Variants in FKBP5 observed in about 807,000 individuals in gnomAD.
The protein encoded by FKBP5 is FKBP prolyl isomerase 5.
FKBP5 carries 23 observed loss-of-function variants against 50.5 expected under a neutral mutation model. The observed-to-expected ratio is 0.46, with a 90% CI of 0.33 to 0.65. The LOEUF (loss-of-function observed/expected upper bound fraction) is 0.65. Among genes scored for constraint, FKBP5 ranks in the 30% least tolerant of loss-of-function variants. The probability of loss-of-function intolerance (pLI) is 0.02; values close to 1 mark genes in which losing one functional copy is unlikely to be tolerated. For synonymous variants in FKBP5, 176 were observed against 190.6 expected (o/e 0.92, Z 0.63); for missense variants, 411 against 553.1 (o/e 0.74, Z 2.58).
chr6:35,625,873 G>A (rs560559135), intron 3 of FKBP5, among the ~76,000 whole-genome samples: 7 of 151,194 alleles, frequency 4.6e-5, no homozygotes, highest in African/African-American at 9.7e-5. Context: ...TCCGCCTCCC[G>A]GGTTCACGCC....
intron 3 of FKBP5, among the ~76,000 whole-genome samples, chr6:35,633,340 C>G (rs1035845382): frequency 6.6e-6 from 1 of 151,964 alleles, no homozygotes. Flanking sequence ...CTCAAAAGTT[C>G]GAGACCACCC....
chr6:35,645,973 AG>A (rs1236129825), intron 1 of FKBP5, among the ~76,000 whole-genome samples: 6 of 152,102 alleles, frequency 3.9e-5, no homozygotes, highest in Non-Finnish European at 7.4e-5. Context: ...AAAATTAGCC[AG>A]GCGTGGTGGC....
Position 35,597,384 on chromosome 6 carries a change from C to G in FKBP5, c.529G>C (p.Gly177Arg). 1 of 1,613,886 alleles carries G rather than the reference C, an allele frequency of 6.2e-7. No individual in the cohort carries two copies. Among genetic ancestry groups the G allele is most frequent in the Non-Finnish European group, 8.5e-7 (1 of 1,179,940 alleles). ...TVEIHLEGRC[G>R]GRMFDCRDVA... ...TCTCTGCAGTCAAACATCCTTCCAC[C>G]ACAGCGGCCTTCCAGGTGGACTGAG... The change falls in exon 6 of 11, where the codon GGT (glycine) becomes CGT (arginine). Residue 177 changes from glycine (G) to arginine (R), a missense_variant. Physicochemically the swap from Gly to Arg is moderately radical, Grantham distance 125 (BLOSUM62 -2). Transcript: ENST00000357266.
chr6:35,656,757 C>T (rs888689383), intron 1 of FKBP5, among the ~76,000 whole-genome samples: 1 of 152,006 alleles, frequency 6.6e-6, no homozygotes, highest in Non-Finnish European at 1.5e-5. Flanking sequence ...TTTAGCAGGG[C>T]ATGGTGGCGC....
At chr6:35,625,586 A>C (rs1763970340) in intron 3 of FKBP5, among the ~76,000 whole-genome samples, 1 of 149,232 alleles carries the variant, frequency 6.7e-6, no homozygotes, top group African/African-American at 2.5e-5. Context: ...AATACAAAAA[A>C]TTAGCCGGGC....
chr6:35,658,584 AG>A (rs1299291157), intron 1 of FKBP5, among the ~76,000 whole-genome samples: 8 of 152,166 alleles, frequency 5.3e-5, no homozygotes, highest in Admixed American at 2.6e-4. Context: ...TTCATCAGCA[AG>A]GCATGTTAAA....
At chr6:35,586,731 T>A in intron 8 of FKBP5, 1 of 1,243,262 alleles carries the variant, frequency 8.0e-7, no homozygotes, top group Non-Finnish European at 1.0e-6. Flanking sequence ...GCCAACTATG[T>A]ACCAAGCAAG....
At position 35,573,643 on chromosome 6, in the gene FKBP5, ATTTT is replaced by A. The variant is rs66957944; in HGVS notation, c.*2188_*2191del. On this transcript the variant is annotated 3_prime_UTR_variant, in exon 11 of 11. Coordinates refer to ENST00000357266, the MANE Select transcript of FKBP5 (RefSeq NM_004117.4). ...ACACACAAAAAAGTGCATCTAAATG[ATTTT>A]TTTTTTTTAAAAACAATGTCTTTAA... The A allele has an allele frequency of 1.3e-5, 2 of 150,766 alleles. No homozygotes were observed. Among genetic ancestry groups the A allele is most frequent in the African/African-American group, 4.9e-5 (2 of 41,086 alleles). The allele number at this position is 150,766 out of a possible 1,614,324, so 9.3% of individuals were successfully genotyped here.
intron 5 of FKBP5, among the ~76,000 whole-genome samples, chr6:35,616,947 T>TG (rs987419502): frequency 2.0e-5 from 3 of 151,828 alleles, no homozygotes; most frequent in African/African-American, 7.3e-5. Context: ...AATTCTATGA[T>TG]GGAGTTTTAG....
intron 1 of FKBP5, among the ~76,000 whole-genome samples, chr6:35,652,304 A>G (rs1409604029): frequency 6.9e-6 from 1 of 144,552 alleles, no homozygotes; most frequent in Non-Finnish European, 1.5e-5. Flanking sequence ...AGAACAGGAT[A>G]ACAGCAATTG....
At chr6:35,620,479 A>C (rs1763798779) in intron 3 of FKBP5, among the ~76,000 whole-genome samples, 1 of 152,020 alleles carries the variant, frequency 6.6e-6, no homozygotes, top group East Asian at 1.9e-4. Flanking sequence ...TGATCGGCCC[A>C]GCACTTTGGG....
chr6:35,713,267 T>A (rs1269502834), intron 2 of FKBP5, among the ~76,000 whole-genome samples: 2 of 151,806 alleles, frequency 1.3e-5, no homozygotes, highest in Non-Finnish European at 2.9e-5. Flanking sequence ...GGGGGAACCT[T>A]AGGACTAGAA....
At chr6:35,579,150 G>A (rs183550920) in intron 9 of FKBP5, among the ~76,000 whole-genome samples, 5 of 148,080 alleles carry the variant, frequency 3.4e-5, no homozygotes, top group African/African-American at 5.2e-5. Flanking sequence ...ACACACACAC[G>A]CGCGCGCGCA....
Position 35,662,807 on chromosome 6 carries a change from A to C in FKBP5, c.-19-19964T>G, listed in dbSNP as rs141233177. Among the ~76,000 whole-genome samples the C allele has an allele frequency of 1.0e-3, 152 of 152,284 alleles. 1 individual carries two copies. Among genetic ancestry groups the C allele is most frequent in the African/African-American group, 3.5e-3 (145 of 41,558 alleles). On this transcript the variant is annotated intron_variant, in intron 1 of 10. Coordinates refer to ENST00000357266, the MANE Select transcript of FKBP5 (RefSeq NM_004117.4). ...CAATAGTTTTCTAATTATACTATGA[A>C]TCCTACACACCATGAATACCTACTG...
intron 1 of FKBP5, among the ~76,000 whole-genome samples, chr6:35,663,220 G>A (rs1026754457): frequency 2.0e-5 from 3 of 152,176 alleles, no homozygotes; most frequent in African/African-American, 7.2e-5. Context: ...CAGGGCAAAC[G>A]GTACAGAAAG....
rs189122162 is a variant in FKBP5, at chr6:35,706,316, C to T, written c.-20+14012G>A. 1.1e-3 allele frequency among the ~76,000 whole-genome samples: 160 copies of T among 151,232 alleles called. 2 individuals carry two copies. Among genetic ancestry groups the T allele is most frequent in the African/African-American group, 3.8e-3 (155 of 41,192 alleles). ...GCGCATGCCTGTAATCCCAGCTAATCCGGAGGCTGAGGCAGGAGAATCACT... is the reference window on the plus strand; with the variant it reads ...GCGCATGCCTGTAATCCCAGCTAATTCGGAGGCTGAGGCAGGAGAATCACT... On this transcript the variant is annotated intron_variant, in intron 2 of 11. Coordinates refer to the FKBP5 transcript ENST00000536438.
chr6:35,590,603 T>A (rs1762786025), intron 7 of FKBP5, among the ~76,000 whole-genome samples: 1 of 151,774 alleles, frequency 6.6e-6, no homozygotes, highest in Admixed American at 6.6e-5. Flanking sequence ...AAAAAAAAAA[T>A]GGCTTCGGGT....
intron 2 of FKBP5, among the ~76,000 whole-genome samples, chr6:35,714,284 T>C: frequency 7.2e-6 from 1 of 139,738 alleles, no homozygotes; most frequent in Non-Finnish European, 1.5e-5. Context: ...AAACCCCGTC[T>C]CTACTAAAAA....
At position 35,676,252 on chromosome 6, in the gene FKBP5, G is replaced by A. The variant is rs143864140; in HGVS notation, c.-20+12552C>T. The stretch of plus-strand genomic sequence containing the variant: ...ATAAATCTAAATCCACTTTAGAAAC[G>A]CTGACACCTTTAATTATTTCTTCTC... On this transcript the variant is annotated intron_variant, in intron 1 of 10. Transcript: ENST00000357266. Among the ~76,000 whole-genome samples the A allele has an allele frequency of 1.2e-4, 18 of 152,310 alleles. 1 individual carries two copies. Among genetic ancestry groups the A allele is most frequent in the East Asian group, 5.8e-4 (3 of 5,194 alleles).
Sources: allele counts gnomAD v4.1 joint callset (sites outside exome capture counted in the v4.1 genomes callset), GRCh38; gene constraint gnomAD v4.1.1; transcripts MANE v1.5; gene names NCBI Gene and HGNC (gene_info 2026-07-23, HGNC 2026-07-21).